The following EPHA3 variants were observed in gnomAD, a reference collection of about 807,000 sequenced individuals.
EPHA3 encodes EPH receptor A3, also known as ephrin type-A receptor 3.
A neutral mutation model predicts 107.1 loss-of-function variants in EPHA3; 42 were observed. That is an observed-to-expected ratio of 0.39 (90% CI 0.31 to 0.51). The LOEUF (loss-of-function observed/expected upper bound fraction) is 0.51. EPHA3 is among the 20% of genes least tolerant of loss of function. The pLI, the probability that EPHA3 is intolerant of heterozygous loss-of-function variation, is 0.78. For missense variants in EPHA3, 1,183 were observed against 1,211.2 expected, an observed-to-expected ratio of 0.98 and a Z score of 0.35; for synonymous variants, 461 against 424.8, an observed-to-expected ratio of 1.09 and a Z score of -1.05.
At chr3:89,237,737 A>C (rs1210078961) in intron 3 of EPHA3, among the ~76,000 whole-genome samples, 1 of 152,146 alleles carries the variant, frequency 6.6e-6, no homozygotes, top group Non-Finnish European at 1.5e-5. Context: ...AGGCCAAGGC[A>C]GGAGGATTGC....
rs6797335 is a variant in EPHA3, at chr3:89,189,456, G to A, written c.154-20404G>A. On this transcript the variant is annotated intron_variant, in intron 2 of 16. Coordinates refer to ENST00000336596, the MANE Select transcript of EPHA3 (RefSeq NM_005233.6). ...AAAAATACAAAAATTAGCTGGGCACGGTGGCGCGCACCTGTCATCCCATCT... is the reference window on the plus strand; with the variant it reads ...AAAAATACAAAAATTAGCTGGGCACAGTGGCGCGCACCTGTCATCCCATCT... 5.4e-4 allele frequency among the ~76,000 whole-genome samples: 82 copies of A among 152,064 alleles called. 2 individuals are homozygous for A. In the South Asian group the frequency reaches 8.1e-3, roughly 15 times the overall value.
At chr3:89,169,566 T>C (rs1329908871) in intron 2 of EPHA3, among the ~76,000 whole-genome samples, 1 of 152,216 alleles carries the variant, frequency 6.6e-6, no homozygotes, top group Non-Finnish European at 1.5e-5. Flanking sequence ...TATGTAACTC[T>C]TACCCATAAT....
rs371395205 is a variant in EPHA3, at chr3:89,143,684, A to G, written c.153+16411A>G. ...ACTTTCTCATAATGTTAAATCTTAC[A>G]TAACTGTGGTACACTATCAAAGCTA... On this transcript the variant is annotated intron_variant, in intron 2 of 16. Coordinates refer to ENST00000336596, the MANE Select transcript of EPHA3 (RefSeq NM_005233.6). 5.3e-5 allele frequency among the ~76,000 whole-genome samples: 8 copies of G among 151,730 alleles called. 1 individual carries two copies. Among genetic ancestry groups the G allele is most frequent in the African/African-American group, 1.4e-4 (6 of 41,510 alleles).
At chr3:89,127,359 A>C in intron 2 of EPHA3, 86 bp downstream of exon 2, 2 of 1,054,748 alleles carry the variant, frequency 1.9e-6, no homozygotes. Context: ...CTCTAAAGAG[A>C]ACTCTTGTAC....
chr3:89,413,947 C>T (rs186408438), intron 10 of EPHA3, among the ~76,000 whole-genome samples: 4 of 151,618 alleles, frequency 2.6e-5, no homozygotes, highest in East Asian at 3.9e-4. Flanking sequence ...CACATAAACA[C>T]ATGATATGTG....
intron 3 of EPHA3, among the ~76,000 whole-genome samples, chr3:89,324,155 C>CT (rs749957896): frequency 0.034 from 3,999 of 118,932 alleles, 108 homozygotes; most frequent in African/African-American, 0.08. Flanking sequence ...AGATGTCAGT[C>CT]TTTTTTTTTT....
At chr3:89,434,114 G>T (rs1709620713) in intron 13 of EPHA3, among the ~76,000 whole-genome samples, 1 of 151,930 alleles carries the variant, frequency 6.6e-6, no homozygotes, top group Non-Finnish European at 1.5e-5. Context: ...AATACTTTTA[G>T]GTTAAATAAA....
At chr3:89,186,801 C>T (rs2107131557) in intron 2 of EPHA3, among the ~76,000 whole-genome samples, 1 of 152,002 alleles carries the variant, frequency 6.6e-6, no homozygotes, top group East Asian at 1.9e-4. Context: ...TAGGAAATTC[C>T]ATTATGTAGA....
At chr3:89,164,380 A>C (rs1359899465) in intron 2 of EPHA3, among the ~76,000 whole-genome samples, 2 of 152,244 alleles carry the variant, frequency 1.3e-5, no homozygotes, top group Non-Finnish European at 2.9e-5. Context: ...GGGTTGAACA[A>C]GCTTGGCCTA....
chr3:89,133,688 G>T (rs1411748437), intron 2 of EPHA3, among the ~76,000 whole-genome samples: 1 of 152,160 alleles, frequency 6.6e-6, no homozygotes, highest in African/African-American at 2.4e-5. Flanking sequence ...CATTGTCGTG[G>T]ACAAGAATTG....
chr3:89,161,077 C>A (rs1159118178), intron 2 of EPHA3, among the ~76,000 whole-genome samples: 1 of 152,132 alleles, frequency 6.6e-6, no homozygotes, highest in East Asian at 1.9e-4. Context: ...TCACATCACG[C>A]AGCTTCTAAA....
intron 2 of EPHA3, among the ~76,000 whole-genome samples, chr3:89,162,314 A>G (rs1240627092): frequency 6.6e-6 from 1 of 152,188 alleles, no homozygotes; most frequent in Non-Finnish European, 1.5e-5. Flanking sequence ...CAAATAAATT[A>G]GATCAGAAGA....
intron 13 of EPHA3, among the ~76,000 whole-genome samples, chr3:89,438,310 A>G (rs1022591788): frequency 1.3e-5 from 2 of 151,842 alleles, no homozygotes; most frequent in African/African-American, 4.8e-5. Context: ...ACGGGGTTTC[A>G]CCATGTTAGC....
At chr3:89,189,318 G>T (rs998426561) in intron 2 of EPHA3, among the ~76,000 whole-genome samples, 1 of 152,118 alleles carries the variant, frequency 6.6e-6, no homozygotes, top group African/African-American at 2.4e-5. Context: ...TAAGAGACTG[G>T]GCACGGTGGC....
chr3:89,303,270 C>T lies in EPHA3; in HGVS notation c.815-37646C>T, dbSNP rs561565902. Among the ~76,000 whole-genome samples, 13 of 152,090 alleles carry T rather than the reference C, an allele frequency of 8.5e-5. No individual in the cohort carries two copies. The East Asian group carries it at 1.9e-3, about 23-fold the overall frequency. ...TTGATGGTATTTGCCCTCCATACTC[C>T]TTATTGCTTTTTCTATTTGCTATTT... On this transcript the variant is annotated intron_variant, in intron 3 of 16. Transcript: ENST00000336596.
intron 15 of EPHA3, among the ~76,000 whole-genome samples, chr3:89,467,472 G>T (rs1454303116): frequency 6.6e-6 from 1 of 152,106 alleles, no homozygotes; most frequent in Non-Finnish European, 1.5e-5. Flanking sequence ...GATATTTGAG[G>T]AGTAAATCTC....
intron 14 of EPHA3, among the ~76,000 whole-genome samples, chr3:89,449,607 G>T (rs1709947379): frequency 6.6e-6 from 1 of 152,250 alleles, no homozygotes; most frequent in East Asian, 1.9e-4. Context: ...AGAAACATTT[G>T]TAGTGAAAAC....
At chr3:89,205,906 A>G (rs1706090293) in intron 2 of EPHA3, among the ~76,000 whole-genome samples, 1 of 152,112 alleles carries the variant, frequency 6.6e-6, no homozygotes, top group African/African-American at 2.4e-5. Flanking sequence ...TAGTTCTTAC[A>G]GTAGAAAAAT....
intron 16 of EPHA3, among the ~76,000 whole-genome samples, chr3:89,473,110 A>G (rs562195704): frequency 6.6e-6 from 1 of 152,344 alleles, no homozygotes; most frequent in South Asian, 2.1e-4. Context: ...AATAAACATA[A>G]CAACATGTAT....
Sources: allele counts gnomAD v4.1 joint callset (sites outside exome capture counted in the v4.1 genomes callset), GRCh38; gene constraint gnomAD v4.1.1; transcripts MANE v1.5; gene names NCBI Gene and HGNC (gene_info 2026-07-23, HGNC 2026-07-21).